Variants in DNER observed in about 807,000 individuals in gnomAD.
The protein encoded by DNER is delta and Notch-like epidermal growth factor-related receptor.
In DNER, 33 loss-of-function variants were observed where a neutral mutation model predicts 78.2. That is an observed-to-expected ratio of 0.42 (90% CI 0.32 to 0.56). The LOEUF is 0.56. Among genes scored for constraint, DNER ranks in the 20% least tolerant of loss-of-function variants. The pLI is 0.11. For synonymous variants in DNER, 417 were observed against 384.8 expected (o/e 1.08, Z -0.98); for missense variants, 918 against 975.3 (o/e 0.94, Z 0.78).
chr2:229,664,560 AC>A (rs1279686621), intron 1 of DNER, among the ~76,000 whole-genome samples: 2 of 152,296 alleles, frequency 1.3e-5, no homozygotes, highest in Non-Finnish European at 2.9e-5. Flanking sequence ...GGCAGATAAG[AC>A]TTCTGGATAA....
At chr2:229,663,766 C>G (rs2154216641) in intron 1 of DNER, among the ~76,000 whole-genome samples, 1 of 152,276 alleles carries the variant, frequency 6.6e-6, no homozygotes, top group African/African-American at 2.4e-5. Context: ...ACTGTCACAC[C>G]AGTGGATACT....
chr2:229,630,488 TAA>T (rs1491450327), intron 1 of DNER, among the ~76,000 whole-genome samples: 3 of 135,840 alleles, frequency 2.2e-5, no homozygotes, highest in African/African-American at 7.8e-5. Flanking sequence ...AAAATAATAA[TAA>T]TAATAATAAT....
chr2:229,709,390 T>C (rs1559217132), intron 1 of DNER, among the ~76,000 whole-genome samples: 2 of 152,208 alleles, frequency 1.3e-5, no homozygotes, highest in Non-Finnish European at 2.9e-5. Flanking sequence ...AAGAAGTTCA[T>C]AGAAAAGCCA....
At chr2:229,478,875 G>A (rs183202183) in intron 6 of DNER, among the ~76,000 whole-genome samples, 1 of 152,150 alleles carries the variant, frequency 6.6e-6, no homozygotes, top group African/African-American at 2.4e-5. Flanking sequence ...AGGTAAACGT[G>A]TGCCATGGTG....
Position 229,591,650 on chromosome 2 carries a change from G to A in DNER, c.515C>T (p.Thr172Met), listed in dbSNP as rs143332732. 48 of 1,614,054 alleles carry A rather than the reference G, an allele frequency of 3.0e-5. No individual in the cohort carries two copies. The highest frequency in any genetic ancestry group is 5.0e-5 in the Admixed American group (3 of 60,014). ...PDKILPRSQATVTLPTWQPKT... is the reference protein window; with the variant it reads ...PDKILPRSQAMVTLPTWQPKT... The stretch of plus-strand genomic sequence containing the variant: ...CGGCTGCCAGGTAGGCAGTGTCACC[G>A]TTGCCTGAGAGCGAGGCAGGATTTT... The change falls in exon 2 of 13, where the codon ACG (threonine) becomes ATG (methionine). Residue 172 changes from threonine (T) to methionine (M), a missense_variant. Coordinates refer to ENST00000341772, the MANE Select transcript of DNER (RefSeq NM_139072.4). This position sits in a 1 kb window ranked among gnomAD's most constrained non-coding sequence, Gnocchi z 4.6.
chr2:229,682,953 G>A (rs1248087989), intron 1 of DNER, among the ~76,000 whole-genome samples: 1 of 152,136 alleles, frequency 6.6e-6, no homozygotes, highest in Non-Finnish European at 1.5e-5. Flanking sequence ...CAACAAGATT[G>A]AACTATACAA....
chr2:229,397,876 C>T (rs1461297696), intron 10 of DNER, among the ~76,000 whole-genome samples: 3 of 151,960 alleles, frequency 2.0e-5, no homozygotes, highest in African/African-American at 7.3e-5. Context: ...CAAAGCAGTA[C>T]TGAGGGGGAA....
intron 11 of DNER, among the ~76,000 whole-genome samples, chr2:229,381,238 A>G (rs1293237005): frequency 2.6e-5 from 4 of 152,218 alleles, no homozygotes; most frequent in African/African-American, 7.2e-5. Context: ...GGTGCACTCC[A>G]GCCTAGATAC....
intron 4 of DNER, among the ~76,000 whole-genome samples, chr2:229,555,282 T>C (rs955361531): frequency 6.6e-6 from 1 of 152,184 alleles, no homozygotes; most frequent in Admixed American, 6.5e-5. Flanking sequence ...CAAAAGTGCC[T>C]CTTCTGTGGT....
chr2:229,662,658 C>T (rs1699027448), intron 1 of DNER, among the ~76,000 whole-genome samples: 1 of 152,144 alleles, frequency 6.6e-6, no homozygotes, highest in South Asian at 2.1e-4. Flanking sequence ...AGAGCCTACC[C>T]AGCCTCCTGA....
At chr2:229,695,208 T>C (rs1699643516) in intron 1 of DNER, among the ~76,000 whole-genome samples, 1 of 152,174 alleles carries the variant, frequency 6.6e-6, no homozygotes, top group Non-Finnish European at 1.5e-5. Context: ...ATCTTTCCTT[T>C]ATAAATCAGC....
chr2:229,408,606 C>T (rs1313628389), intron 9 of DNER, among the ~76,000 whole-genome samples: 2 of 152,170 alleles, frequency 1.3e-5, no homozygotes, highest in African/African-American at 2.4e-5. Context: ...TTACTTAGCT[C>T]ATGTTGTGCA....
intron 6 of DNER, among the ~76,000 whole-genome samples, chr2:229,511,590 T>A (rs1695864939): frequency 6.6e-6 from 1 of 152,156 alleles, no homozygotes; most frequent in Non-Finnish European, 1.5e-5. Flanking sequence ...TAGCAGGAAT[T>A]TGAACTAATG....
chr2:229,553,929 C>T (rs1000180339), intron 4 of DNER, among the ~76,000 whole-genome samples: 6 of 152,120 alleles, frequency 3.9e-5, no homozygotes, highest in African/African-American at 9.7e-5. Context: ...AAATGAACAA[C>T]GTACAATCAA....
intron 11 of DNER, among the ~76,000 whole-genome samples, chr2:229,369,793 G>A (rs1055589534): frequency 2.6e-5 from 4 of 152,126 alleles, no homozygotes; most frequent in Non-Finnish European, 5.9e-5. Flanking sequence ...TCTAGATAGC[G>A]TATACAAGAT....
chr2:229,694,153 G>A (rs1446377084), intron 1 of DNER, among the ~76,000 whole-genome samples: 1 of 152,244 alleles, frequency 6.6e-6, no homozygotes, highest in African/African-American at 2.4e-5. Flanking sequence ...CTTACATGTG[G>A]TGTTGAGCCT....
chr2:229,689,088 G>A (rs1303215195), intron 1 of DNER, among the ~76,000 whole-genome samples: 1 of 152,122 alleles, frequency 6.6e-6, no homozygotes, highest in Non-Finnish European at 1.5e-5. Flanking sequence ...AAACCACCAT[G>A]GCACATGTTT....
chr2:229,578,375 A>T (rs1574911781), intron 4 of DNER, among the ~76,000 whole-genome samples: 1 of 152,166 alleles, frequency 6.6e-6, no homozygotes, highest in South Asian at 2.1e-4. Context: ...GAGTGGCAGG[A>T]TCTGGCCTTT....
At chr2:229,467,615 C>T (rs1694831863) in intron 7 of DNER, among the ~76,000 whole-genome samples, 1 of 152,100 alleles carries the variant, frequency 6.6e-6, no homozygotes, top group Non-Finnish European at 1.5e-5. Flanking sequence ...TTAGCTTCCC[C>T]CATTGTTGTG....
Sources: gnomAD v4.1 joint callset for allele counts (sites outside exome capture counted in the v4.1 genomes callset) on GRCh38, gnomAD v4.1.1 for gene constraint, Gnocchi (gnomAD v3.1) non-coding constraint, MANE v1.5 for transcripts, NCBI Gene and HGNC (gene_info 2026-07-23, HGNC 2026-07-21) for gene names.